MAGI3: variants seen among roughly 807,000 people sequenced by gnomAD.
MAGI3 encodes membrane-associated guanylate kinase, WW and PDZ domain-containing protein 3.
A neutral mutation model predicts 121.8 loss-of-function variants in MAGI3; 43 were observed. The ratio of observed to expected loss-of-function variants is 0.35; its 90% CI spans 0.28 to 0.46. The LOEUF (loss-of-function observed/expected upper bound fraction) is 0.46, where lower values mean the gene tolerates loss of function less well. MAGI3 is among the 20% of genes least tolerant of loss of function. The pLI, the probability that MAGI3 is intolerant of heterozygous loss-of-function variation, is 1.00. For missense variants in MAGI3, 1,547 were observed against 1,797.3 expected (o/e 0.86, Z 2.52); for synonymous variants, 553 against 639.3 (o/e 0.86, Z 2.04).
intron 9 of MAGI3, among the ~76,000 whole-genome samples, chr1:113,641,541 G>A (rs1362116302): frequency 6.6e-6 from 1 of 151,884 alleles, no homozygotes; most frequent in African/African-American, 2.4e-5. Flanking sequence ...AGTCAGTGGA[G>A]TTATTTGCTT....
intron 6 of MAGI3, among the ~76,000 whole-genome samples, chr1:113,596,980 A>G (rs900596971): frequency 6.6e-6 from 1 of 152,204 alleles, no homozygotes; most frequent in African/African-American, 2.4e-5. Context: ...GTATCTACCC[A>G]AGAGGAATGA....
intron 2 of MAGI3, among the ~76,000 whole-genome samples, chr1:113,567,391 G>A (rs867921066): frequency 5.9e-5 from 9 of 151,964 alleles, no homozygotes; most frequent in Admixed American, 6.6e-5. Context: ...TCCAGTGAAC[G>A]GAAGAGAAAG....
chr1:113,514,362 C>G (rs1321410184), intron 1 of MAGI3, among the ~76,000 whole-genome samples: 1 of 152,150 alleles, frequency 6.6e-6, no homozygotes, highest in Non-Finnish European at 1.5e-5. Flanking sequence ...ATAGCAAAGA[C>G]TTGGAACCAA....
intron 1 of MAGI3, among the ~76,000 whole-genome samples, chr1:113,393,228 T>C (rs2101259910): frequency 6.6e-6 from 1 of 152,306 alleles, no homozygotes; most frequent in South Asian, 2.1e-4. Context: ...CCCCCGTATG[T>C]AGTTGACATT....
At chr1:113,420,820 AG>A (rs988231111) in intron 1 of MAGI3, among the ~76,000 whole-genome samples, 5 of 152,184 alleles carry the variant, frequency 3.3e-5, no homozygotes, top group African/African-American at 1.2e-4. Flanking sequence ...AGACTCAAAA[AG>A]CTTTTCTGTA....
In MAGI3 at chr1:113,567,822, G is replaced by T. The variant is rs528163606; in HGVS notation, c.434-12720G>T. ...CAATAAAGCAAGGATGCCTGGTCTT[G>T]CCATTACTATTCAACATAGTACTGG... is the stretch of plus-strand genomic sequence containing the variant. On this transcript the variant is annotated intron_variant, in intron 2 of 20. Coordinates refer to ENST00000307546, the MANE Select transcript of MAGI3 (RefSeq NM_001142782.2). Among the ~76,000 whole-genome samples, 163 of 152,096 alleles carry T rather than the reference G, an allele frequency of 1.1e-3. 1 individual carries two copies. Among genetic ancestry groups the T allele is most frequent in the African/African-American group, 3.8e-3 (158 of 41,524 alleles).
intron 16 of MAGI3, among the ~76,000 whole-genome samples, chr1:113,671,222 A>G (rs184608849): frequency 3.0e-4 from 45 of 152,330 alleles, no homozygotes; most frequent in Non-Finnish European, 5.1e-4. Context: ...TCAGGATTCT[A>G]TAAGTTTGTC....
chr1:113,468,576 G>A (rs1251792287), intron 1 of MAGI3, among the ~76,000 whole-genome samples: 1 of 152,104 alleles, frequency 6.6e-6, no homozygotes, highest in Non-Finnish European at 1.5e-5. Context: ...GGTGAAGAAG[G>A]GAAGAATTGG....
At chr1:113,562,274 G>A (rs1660271425) in intron 2 of MAGI3, among the ~76,000 whole-genome samples, 1 of 152,322 alleles carries the variant, frequency 6.6e-6, no homozygotes, top group Non-Finnish European at 1.5e-5. Context: ...ATGGTGGCGG[G>A]CGCCAATAGT....
chr1:113,443,064 T>C (rs1325512135), intron 1 of MAGI3, among the ~76,000 whole-genome samples: 3 of 152,200 alleles, frequency 2.0e-5, no homozygotes, highest in African/African-American at 7.2e-5. Flanking sequence ...CTTAATGAGA[T>C]AGACCTAGGC....
chr1:113,610,219 C>T (rs546084925), intron 6 of MAGI3, among the ~76,000 whole-genome samples: 5 of 152,074 alleles, frequency 3.3e-5, no homozygotes, highest in East Asian at 1.9e-4. Flanking sequence ...CTGCAAGCTC[C>T]GCCTCCTGGG....
At chr1:113,450,873 TAGTC>T (rs1199505134) in intron 1 of MAGI3, 1 of 626,788 alleles carries the variant, frequency 1.6e-6, no homozygotes, top group Non-Finnish European at 2.9e-6. Flanking sequence ...CGATGATCCA[TAGTC>T]AGAAAAGTTA....
intron 9 of MAGI3, among the ~76,000 whole-genome samples, chr1:113,627,812 A>AT (rs1651335223): frequency 6.6e-6 from 1 of 151,478 alleles, no homozygotes; most frequent in Non-Finnish European, 1.5e-5. Flanking sequence ...CTTATAATCT[A>AT]TTTTGTCTGA....
At chr1:113,586,370 A>C (rs910256523) in intron 4 of MAGI3, among the ~76,000 whole-genome samples, 15 of 152,182 alleles carry the variant, frequency 9.9e-5, no homozygotes, top group African/African-American at 3.6e-4. Context: ...AAAATCCTCA[A>C]ATTTGCAGAA....
chr1:113,627,234 T>C (rs575656689), intron 9 of MAGI3, among the ~76,000 whole-genome samples: 296 of 152,194 alleles, frequency 1.9e-3, no homozygotes, highest in African/African-American at 7.0e-3. Context: ...TGGGTTTGTA[T>C]AGTTTCCAAA....
chr1:113,407,656 C>A (rs532562485), intron 1 of MAGI3, among the ~76,000 whole-genome samples: 1 of 151,504 alleles, frequency 6.6e-6, no homozygotes, highest in African/African-American at 2.4e-5. Flanking sequence ...TCTAATTTTA[C>A]AGATGAGAAA....
At chr1:113,572,317 C>T (rs186797950) in intron 2 of MAGI3, among the ~76,000 whole-genome samples, 78 of 152,178 alleles carry the variant, frequency 5.1e-4, no homozygotes, top group African/African-American at 1.6e-3. Context: ...TGAGGTTTTT[C>T]GCATCGATGT....
chr1:113,560,425 TAAAAC>T (rs1345581602), intron 2 of MAGI3, among the ~76,000 whole-genome samples: 1 of 147,526 alleles, frequency 6.8e-6, no homozygotes, highest in Admixed American at 6.8e-5. Context: ...AAAAAAACAA[TAAAAC>T]AAAAAAAGAA....
In MAGI3 at chr1:113,651,494, T is replaced by C. The variant is rs1050750287; in HGVS notation, c.2440+288T>C. Among the ~76,000 whole-genome samples the C allele has an allele frequency of 3.3e-5, 5 of 152,124 alleles. No individual in the cohort carries two copies. In the East Asian group the frequency reaches 9.6e-4, roughly 29 times the overall value. On this transcript the variant is annotated intron_variant, in intron 14 of 20. Coordinates refer to ENST00000307546, the MANE Select transcript of MAGI3 (RefSeq NM_001142782.2). Reference sequence around the variant, plus strand: ...GAGTATTGATTTAAATCCGGTTTTGTTTTGTTTTGTTGAGTTGAGGTAGAG... The same window carrying C: ...GAGTATTGATTTAAATCCGGTTTTGCTTTGTTTTGTTGAGTTGAGGTAGAG...
Sources: gnomAD v4.1 joint callset for allele counts (sites outside exome capture counted in the v4.1 genomes callset) on GRCh38, gnomAD v4.1.1 for gene constraint, MANE v1.5 for transcripts, NCBI Gene and HGNC (gene_info 2026-07-23, HGNC 2026-07-21) for gene names.